Variants in RFTN1 observed in about 807,000 individuals in gnomAD.
RFTN1 encodes raftlin.
In RFTN1, 26 loss-of-function variants were observed where a neutral mutation model predicts 46.5. The ratio of observed to expected loss-of-function variants is 0.56; its 90% CI spans 0.41 to 0.78. The LOEUF (loss-of-function observed/expected upper bound fraction) is 0.78. Ranked by LOEUF, RFTN1 falls within the 30% of genes least tolerant of loss-of-function variation. The pLI is 0.00. For missense variants in RFTN1, 693 were observed against 718.7 expected, an observed-to-expected ratio of 0.96 and a Z score of 0.41; for synonymous variants, 261 against 284.2, an observed-to-expected ratio of 0.92 and a Z score of 0.82.
At chr3:16,437,589 A>T (rs1379169698) in intron 2 of RFTN1, among the ~76,000 whole-genome samples, 1 of 152,074 alleles carries the variant, frequency 6.6e-6, no homozygotes, top group African/African-American at 2.4e-5. Context: ...GAGCCCAGAG[A>T]GGTCAAGGAT....
chr3:16,495,708 G>A (rs1312996794), intron 1 of RFTN1, among the ~76,000 whole-genome samples: 2 of 152,218 alleles, frequency 1.3e-5, no homozygotes, highest in South Asian at 2.1e-4. Context: ...GAGAGGCAGC[G>A]TGGGGTTTAG....
At position 16,480,412 on chromosome 3, in the gene RFTN1, T is replaced by G. The variant is rs1242117701; in HGVS notation, c.145+13313A>C. 6.6e-6 allele frequency among the ~76,000 whole-genome samples: 1 copy of G among 152,210 alleles called. No homozygotes were observed. The highest frequency in any genetic ancestry group is 1.5e-5 in the Non-Finnish European group (1 of 68,038). The stretch of plus-strand genomic sequence containing the variant: ...ATGTGTATGTACCTGCAAAGTATGT[T>G]TATGCAACAGAATAGAAAAACATCT... On this transcript the variant is annotated intron_variant, in intron 2 of 9. Transcript: ENST00000334133. The surrounding 1 kb of genome is among the most constrained non-coding windows in gnomAD (Gnocchi z 4.3).
At position 16,448,605 on chromosome 3, in the gene RFTN1, C is replaced by G. The variant is rs1035735863; in HGVS notation, c.146-14568G>C. ...ATTCCAAATTGGAGGAAAAAAAGTACAACTTTTTACTGCCTTCATGTTTGA... is the reference window on the plus strand; with the variant it reads ...ATTCCAAATTGGAGGAAAAAAAGTAGAACTTTTTACTGCCTTCATGTTTGA... On this transcript the variant is annotated intron_variant, in intron 2 of 9. Coordinates refer to ENST00000334133, the MANE Select transcript of RFTN1 (RefSeq NM_015150.2). The surrounding 1 kb of genome is among the most constrained non-coding windows in gnomAD (Gnocchi z 4.1). 6.6e-6 allele frequency among the ~76,000 whole-genome samples: 1 copy of G among 152,056 alleles called. No individual in the cohort carries two copies. Among genetic ancestry groups the G allele is most frequent in the African/African-American group, 2.4e-5 (1 of 41,398 alleles).
intron 2 of RFTN1, among the ~76,000 whole-genome samples, chr3:16,461,992 T>C (rs1005029752): frequency 3.3e-5 from 5 of 152,208 alleles, no homozygotes. Flanking sequence ...GGAAGTACCA[T>C]CCAGGGCCCA....
Position 16,483,759 on chromosome 3 carries a change from TA to T in RFTN1, c.145+9965del, listed in dbSNP as rs200678350. Reference sequence around the variant, plus strand: ...TTTTTTCTGCCATCTCCACTCAAATTAAAAAAAAAAAAATTGTACTCCACAT... The same window carrying T: ...TTTTTTCTGCCATCTCCACTCAAATTAAAAAAAAAAAATTGTACTCCACAT... On this transcript the variant is annotated intron_variant, in intron 2 of 9. Transcript: ENST00000334133. The surrounding 1 kb of genome is among the most constrained non-coding windows in gnomAD (Gnocchi z 4.8). 0.11 allele frequency among the ~76,000 whole-genome samples: 15,552 copies of T among 146,438 alleles called. 847 individuals carry two copies. The highest frequency in any genetic ancestry group is 0.15 in the Middle Eastern group (43 of 288).
At chr3:16,492,639 C>A (rs971653231) in intron 2 of RFTN1, among the ~76,000 whole-genome samples, 3 of 152,230 alleles carry the variant, frequency 2.0e-5, no homozygotes, top group Admixed American at 2.0e-4. Flanking sequence ...CAGATGACTT[C>A]ATTACATAGT....
rs1276866256 is a variant in RFTN1 at position 16,424,742 on chromosome 3, T to G, written c.332+9109A>C. Among the ~76,000 whole-genome samples, 1 of 152,188 alleles carries G rather than the reference T, an allele frequency of 6.6e-6. No individual in the cohort carries two copies. The highest frequency in any genetic ancestry group is 1.9e-4 in the East Asian group (1 of 5,202). On this transcript the variant is annotated intron_variant, in intron 3 of 9. Transcript: ENST00000334133. This position sits in a 1 kb window ranked among gnomAD's most constrained non-coding sequence, Gnocchi z 4.7. ...CTTTCAATCATTTAAAATATAAAATTTGGACAGATTTTAGAGACAATCATT... is the reference window on the plus strand; with the variant it reads ...CTTTCAATCATTTAAAATATAAAATGTGGACAGATTTTAGAGACAATCATT...
chr3:16,508,398 C>A (rs1255946824), intron 1 of RFTN1, among the ~76,000 whole-genome samples: 1 of 152,170 alleles, frequency 6.6e-6, no homozygotes, highest in Non-Finnish European at 1.5e-5. Context: ...ACCTGATTTT[C>A]CAGCTCTTTG....
chr3:16,408,574 A>T (rs1483164828), intron 4 of RFTN1, among the ~76,000 whole-genome samples: 1 of 145,654 alleles, frequency 6.9e-6, no homozygotes, highest in Non-Finnish European at 1.5e-5. Flanking sequence ...ATCATATTAA[A>T]ACTCAAGTAG....
chr3:16,395,332 C>T (rs368660490), intron 4 of RFTN1, among the ~76,000 whole-genome samples: 3 of 152,110 alleles, frequency 2.0e-5, no homozygotes, highest in African/African-American at 4.8e-5. Context: ...TTATGAAAAA[C>T]TGAAAATTGT....
chr3:16,353,982 G>T lies in RFTN1; in HGVS notation c.1146+3950C>A, dbSNP rs1337843664. 1.3e-5 allele frequency among the ~76,000 whole-genome samples: 2 copies of T among 152,158 alleles called. No homozygotes were observed. Among genetic ancestry groups the T allele is most frequent in the African/African-American group, 4.8e-5 (2 of 41,414 alleles). ...AGACATCCATTGAATAGGAAATAGG[G>T]GTAGAGCCTGGATAGCTGTGTTTTA... On this transcript the variant is annotated intron_variant, in intron 7 of 9. Transcript: ENST00000334133. The surrounding 1 kb of genome is among the most constrained non-coding windows in gnomAD (Gnocchi z 5.4).
rs1054701534 is a variant in RFTN1, at chr3:16,426,823, T to C, written c.332+7028A>G. Among the ~76,000 whole-genome samples, 6 of 152,124 alleles carry C rather than the reference T, an allele frequency of 3.9e-5. No homozygotes were observed. Among genetic ancestry groups the C allele is most frequent in the African/African-American group, 1.4e-4 (6 of 41,416 alleles). ...GAATTTATGGTCCTTTAGTAAAAGA[T>C]TGTAGCAAAATTCCAGGGCATGGTT... On this transcript the variant is annotated intron_variant, in intron 3 of 9. Coordinates refer to ENST00000334133, the MANE Select transcript of RFTN1 (RefSeq NM_015150.2). This position sits in a 1 kb window ranked among gnomAD's most constrained non-coding sequence, Gnocchi z 5.9.
In RFTN1 at chr3:16,337,897, G is replaced by C. The variant is rs1403962035; in HGVS notation, c.1147-11021C>G. 2.0e-5 allele frequency among the ~76,000 whole-genome samples: 3 copies of C among 152,194 alleles called. No homozygotes were observed. The highest frequency in any genetic ancestry group is 4.4e-5 in the Non-Finnish European group (3 of 68,030). ...GCTCCAGGCCGGACACTTTGGCCTT[G>C]CATTACCTCTGGAGCCCTGAAGTCT... is the stretch of plus-strand genomic sequence containing the variant. On this transcript the variant is annotated intron_variant, in intron 7 of 9. Coordinates refer to ENST00000334133, the MANE Select transcript of RFTN1 (RefSeq NM_015150.2). The surrounding 1 kb of genome is among the most constrained non-coding windows in gnomAD (Gnocchi z 5.0).
chr3:16,444,061 A>G lies in RFTN1; in HGVS notation c.146-10024T>C, dbSNP rs116215948. Among the ~76,000 whole-genome samples, 816 of 152,340 alleles carry G rather than the reference A, an allele frequency of 5.4e-3. 6 individuals are homozygous for G. Among genetic ancestry groups the G allele is most frequent in the African/African-American group, 0.019 (773 of 41,566 alleles). The stretch of plus-strand genomic sequence containing the variant: ...ATTAATACAATATTTCATACATTTA[A>G]AAGTACTTTTGTTAGAGAAGACACA... On this transcript the variant is annotated intron_variant, in intron 2 of 9. Coordinates refer to ENST00000334133, the MANE Select transcript of RFTN1 (RefSeq NM_015150.2).
intron 2 of RFTN1, among the ~76,000 whole-genome samples, chr3:16,437,851 G>C (rs1258191056): frequency 6.6e-6 from 1 of 152,076 alleles, no homozygotes; most frequent in Non-Finnish European, 1.5e-5. Context: ...CAAATGCTGG[G>C]TGTCGACCTT....
intron 7 of RFTN1, chr3:16,349,434 G>A (rs1051653101): frequency 1.3e-5 from 2 of 152,328 alleles, no homozygotes; most frequent in Admixed American, 6.5e-5. Context: ...CCCAAAAGAG[G>A]AGGAATGTTG....
intron 7 of RFTN1, among the ~76,000 whole-genome samples, chr3:16,355,745 G>A (rs1378275583): frequency 6.6e-6 from 1 of 152,242 alleles, no homozygotes; most frequent in African/African-American, 2.4e-5. Context: ...AGCAGATCTG[G>A]AGTGGGGCCC....
rs2072422058 is a variant in RFTN1 at position 16,356,155 on chromosome 3, A to T, written c.1146+1777T>A. On this transcript the variant is annotated intron_variant, in intron 7 of 9. Coordinates refer to ENST00000334133, the MANE Select transcript of RFTN1 (RefSeq NM_015150.2). This position sits in a 1 kb window ranked among gnomAD's most constrained non-coding sequence, Gnocchi z 4.9. ...TGTGACCTGCCCAGCTTACAAGTTGAGGAAGGACAGGGTCCTGAGAGGTGA... is the reference window on the plus strand; with the variant it reads ...TGTGACCTGCCCAGCTTACAAGTTGTGGAAGGACAGGGTCCTGAGAGGTGA... Among the ~76,000 whole-genome samples, 1 of 152,208 alleles carries T rather than the reference A, an allele frequency of 6.6e-6. No homozygotes were observed. The highest frequency in any genetic ancestry group is 1.5e-5 in the Non-Finnish European group (1 of 68,038).
Position 16,344,013 on chromosome 3 carries a change from G to C in RFTN1, c.1146+13919C>G, listed in dbSNP as rs1047619322. On this transcript the variant is annotated intron_variant, in intron 7 of 9. Coordinates refer to ENST00000334133, the MANE Select transcript of RFTN1 (RefSeq NM_015150.2). The surrounding 1 kb of genome is among the most constrained non-coding windows in gnomAD (Gnocchi z 4.4). ...TCAGCAGAGAGTGAGCAACCAGAAA[G>C]AAACATGGGCTGTGATCTGGAAATG... 6.6e-6 allele frequency among the ~76,000 whole-genome samples: 1 copy of C among 152,186 alleles called. No homozygotes were observed. Among genetic ancestry groups the C allele is most frequent in the Non-Finnish European group, 1.5e-5 (1 of 68,040 alleles).
Sources: allele counts gnomAD v4.1 joint callset (sites outside exome capture counted in the v4.1 genomes callset), GRCh38; gene constraint gnomAD v4.1.1; non-coding constraint Gnocchi (gnomAD v3.1); transcripts MANE v1.5; gene names NCBI Gene and HGNC (gene_info 2026-07-23, HGNC 2026-07-21).